MEF2C: variants seen among roughly 807,000 people sequenced by gnomAD.
MEF2C encodes the protein myocyte-specific enhancer factor 2C.
Under a neutral mutation model 50.5 loss-of-function variants are expected in MEF2C, and 6 were observed. The ratio of observed to expected loss-of-function variants is 0.12; its 90% confidence interval spans 0.07 to 0.23. The LOEUF is 0.23. MEF2C is among the 10% of genes least tolerant of loss of function. The pLI, the probability that MEF2C is intolerant of heterozygous loss-of-function variation, is 1.00. For missense variants in MEF2C, 276 were observed against 605.0 expected (o/e 0.46, Z 5.70); for synonymous variants, 183 against 228.0 (o/e 0.80, Z 1.78).
rs1755940269 is a variant in MEF2C at position 88,720,458 on chromosome 5, A to G, written c.*2146T>C. 1 of 152,570 alleles carries G rather than the reference A, an allele frequency of 6.6e-6. No homozygotes were observed. The highest frequency in any genetic ancestry group is 1.5e-5 in the Non-Finnish European group (1 of 68,002). 9.5% of individuals were successfully genotyped at this position (152,570 alleles called of 1,614,324 possible). On this transcript the variant is annotated 3_prime_UTR_variant, in exon 11 of 11. Transcript: ENST00000504921. ...GATCAAGTTAAGAAAAATATAGCCT[A>G]GTTAATAAGGTCTCTTGGCTTCTGC...
At chr5:88,768,731 T>TAC in intron 3 of MEF2C, 2 of 982,026 alleles carry the variant, frequency 2.0e-6, no homozygotes, top group Non-Finnish European at 2.4e-6. Flanking sequence ...CAGTGCAGTA[T>TAC]TTTGCAACTG....
chr5:88,812,904 T>C (rs775473320), intron 2 of MEF2C, among the ~76,000 whole-genome samples: 6 of 152,152 alleles, frequency 3.9e-5, no homozygotes, highest in East Asian at 1.9e-4. Context: ...CAACTGTTTA[T>C]TGAGCAGTAT....
At chr5:88,789,467 A>G (rs968290720) in intron 3 of MEF2C, among the ~76,000 whole-genome samples, 2 of 151,684 alleles carry the variant, frequency 1.3e-5, no homozygotes, top group African/African-American at 4.8e-5. Context: ...CATGCCTGCT[A>G]TAACTATTTT....
intron 1 of MEF2C, among the ~76,000 whole-genome samples, chr5:88,849,840 G>C (rs963850661): frequency 1.1e-4 from 16 of 152,124 alleles, no homozygotes; most frequent in Non-Finnish European, 2.1e-4. Flanking sequence ...GTAGCTTGTA[G>C]GATAATGTAG....
chr5:88,818,824 T>G (rs543154618), intron 2 of MEF2C, among the ~76,000 whole-genome samples: 2 of 152,034 alleles, frequency 1.3e-5, no homozygotes, highest in South Asian at 2.1e-4. Flanking sequence ...GAAATGAAGG[T>G]TTAGGTAACA....
chr5:88,786,694 T>C (rs1325708348), intron 3 of MEF2C, among the ~76,000 whole-genome samples: 2 of 152,172 alleles, frequency 1.3e-5, no homozygotes, highest in African/African-American at 4.8e-5. Context: ...ATACTACATA[T>C]ATGTGTGTAT....
At chr5:88,782,506 ACG>A (rs2152887263) in intron 3 of MEF2C, among the ~76,000 whole-genome samples, 1 of 152,104 alleles carries the variant, frequency 6.6e-6, no homozygotes, top group East Asian at 1.9e-4. Context: ...AAAACAACAA[ACG>A]CAACAAAAAA....
intron 1 of MEF2C, among the ~76,000 whole-genome samples, chr5:88,840,661 C>T (rs2153319875): frequency 6.6e-6 from 1 of 152,184 alleles, no homozygotes; most frequent in South Asian, 2.1e-4. Flanking sequence ...TTCAAGACTT[C>T]TGACCACTTC....
chr5:88,795,685 G>A (rs939889560), intron 3 of MEF2C, among the ~76,000 whole-genome samples: 1 of 152,184 alleles, frequency 6.6e-6, no homozygotes, highest in Non-Finnish European at 1.5e-5. Flanking sequence ...ATGTTGAATA[G>A]GAGTGGTGAG....
rs113227523 is a variant in MEF2C, at chr5:88,864,836, G to A, written c.-143+18119C>T. 2.8e-3 allele frequency among the ~76,000 whole-genome samples: 421 copies of A among 150,996 alleles called. 3 individuals are homozygous for A. The highest frequency in any genetic ancestry group is 0.01 in the African/African-American group (413 of 41,050). On this transcript the variant is annotated intron_variant, in intron 1 of 10. Coordinates refer to ENST00000504921, the MANE Select transcript of MEF2C (RefSeq NM_002397.5). ...GGCCGGAGTGCAATGGCGCAATCTC[G>A]GCTCACTCACCGCAACCTCCGCCTC...
At position 88,722,550 on chromosome 5, in the gene MEF2C, T is replaced by G. The variant is rs1056800586; in HGVS notation, c.*54A>C. On this transcript the variant is annotated 3_prime_UTR_variant, in exon 11 of 11. Transcript: ENST00000504921. ...TCGACCCCCCTTCCCCATTAAGGTA[T>G]AGCACACACACACACTGCAAGAAAA... The G allele has an allele frequency of 2.0e-6, 3 of 1,470,698 alleles. No individual in the cohort carries two copies. Among genetic ancestry groups the G allele is most frequent in the African/African-American group, 1.4e-5 (1 of 69,498 alleles). 91.1% of individuals were successfully genotyped at this position (1,470,698 alleles called of 1,614,324 possible).
intron 2 of MEF2C, among the ~76,000 whole-genome samples, chr5:88,822,079 A>C (rs1040698486): frequency 6.6e-6 from 1 of 152,080 alleles, no homozygotes; most frequent in East Asian, 1.9e-4. Context: ...AAATTAAAAA[A>C]TCTTGTATCC....
chr5:88,803,243 T>C (rs995444252), intron 3 of MEF2C, among the ~76,000 whole-genome samples: 1 of 152,240 alleles, frequency 6.6e-6, no homozygotes, highest in Non-Finnish European at 1.5e-5. Flanking sequence ...TAAGCACATA[T>C]CACCCTAGGT....
intron 3 of MEF2C, among the ~76,000 whole-genome samples, chr5:88,781,330 A>G (rs1787908279): frequency 6.6e-6 from 1 of 152,226 alleles, no homozygotes; most frequent in African/African-American, 2.4e-5. Flanking sequence ...ACAGCAGGAA[A>G]ATAAATACCA....
At chr5:88,802,113 CT>C (rs1562119636) in intron 3 of MEF2C, among the ~76,000 whole-genome samples, 1 of 152,212 alleles carries the variant, frequency 6.6e-6, no homozygotes, top group African/African-American at 2.4e-5. Context: ...CTCGAAGTGT[CT>C]TTTTGAGAGA....
chr5:88,797,548 G>A (rs563846166), intron 3 of MEF2C, among the ~76,000 whole-genome samples: 91 of 139,096 alleles, frequency 6.5e-4, no homozygotes, highest in African/African-American at 2.1e-3. Context: ...GTCTTTGTAC[G>A]CGACATGGGT....
intron 2 of MEF2C, among the ~76,000 whole-genome samples, chr5:88,818,765 C>T (rs1355539113): frequency 6.6e-6 from 1 of 151,896 alleles, no homozygotes; most frequent in Non-Finnish European, 1.5e-5. Flanking sequence ...TCTACCTGTT[C>T]CACTTTTCCA....
intron 3 of MEF2C, among the ~76,000 whole-genome samples, chr5:88,783,206 A>T (rs776792011): frequency 2.8e-4 from 43 of 152,180 alleles, no homozygotes; most frequent in Non-Finnish European, 4.3e-4. Flanking sequence ...CGTCGTTATC[A>T]TTATTGTAAA....
At chr5:88,852,452 T>C (rs931808389) in intron 1 of MEF2C, among the ~76,000 whole-genome samples, 7 of 152,336 alleles carry the variant, frequency 4.6e-5, no homozygotes, top group African/African-American at 1.4e-4. Context: ...TGGATTCTGG[T>C]TGTATTAACC....
Sources: gnomAD v4.1 joint callset for allele counts (sites outside exome capture counted in the v4.1 genomes callset) on GRCh38, gnomAD v4.1.1 for gene constraint, MANE v1.5 for transcripts, NCBI Gene and HGNC (gene_info 2026-07-23, HGNC 2026-07-21) for gene names.